CSMD1: variants seen among roughly 807,000 people sequenced by gnomAD.
CSMD1 encodes CUB and sushi domain-containing protein 1.
In CSMD1, 213 loss-of-function variants were observed where a neutral mutation model predicts 417.5. That is an observed-to-expected ratio of 0.51 (90% CI 0.46 to 0.57). The LOEUF is 0.57. CSMD1 is among the 20% of genes least tolerant of loss of function. The probability of loss-of-function intolerance (pLI) is 0.00; values close to 1 mark genes in which losing one functional copy is unlikely to be tolerated. For synonymous variants in CSMD1, 2,862 were observed against 1,736.8 expected (o/e 1.65, Z -16.11); for missense variants, 6,923 against 4,529.7 (o/e 1.53, Z -15.17).
rs1453052425 is a variant in CSMD1, at chr8:2,936,966, GA to G, written c.*1618del. On this transcript the variant is annotated 3_prime_UTR_variant, in exon 70 of 70. Coordinates refer to ENST00000635120, the MANE Select transcript of CSMD1 (RefSeq NM_033225.6). ...ACGCCAATCTAAAATGTGAAACAGA[GA>G]AAATCTGCCACAATTGAATAGGAAC... The G allele has an allele frequency of 6.6e-6, 1 of 152,168 alleles. No homozygotes were observed. Among genetic ancestry groups the G allele is most frequent in the Non-Finnish European group, 1.5e-5 (1 of 68,026 alleles). The allele number at this position is 152,168 out of a possible 1,614,324, so 9.4% of individuals were successfully genotyped here.
intron 1 of CSMD1, among the ~76,000 whole-genome samples, chr8:4,877,472 G>C (rs781607292): frequency 6.6e-6 from 1 of 151,988 alleles, no homozygotes. Flanking sequence ...AGTCATATTT[G>C]CTATTTCAAA....
At chr8:3,567,801 C>G (rs1799777824) in intron 10 of CSMD1, among the ~76,000 whole-genome samples, 1 of 152,166 alleles carries the variant, frequency 6.6e-6, no homozygotes, top group Admixed American at 6.5e-5. Context: ...CTTTCTTGAA[C>G]ATCCTCTGCA....
At chr8:4,239,621 A>G (rs139677680) in intron 3 of CSMD1, among the ~76,000 whole-genome samples, 13 of 152,242 alleles carry the variant, frequency 8.5e-5, no homozygotes, top group African/African-American at 2.9e-4. Context: ...ATTTCCACCT[A>G]GAGAACCCAA....
chr8:4,587,495 A>G (rs1210241458), intron 2 of CSMD1, among the ~76,000 whole-genome samples: 1 of 151,876 alleles, frequency 6.6e-6, no homozygotes, highest in African/African-American at 2.4e-5. Context: ...ACATATATGT[A>G]TATATATATG....
At chr8:3,315,450 G>C (rs1022179251) in intron 23 of CSMD1, among the ~76,000 whole-genome samples, 2 of 127,792 alleles carry the variant, frequency 1.6e-5, no homozygotes, top group African/African-American at 5.1e-5. Context: ...GTGTGTGTGT[G>C]TGTGTGTGTG....
At chr8:4,127,701 A>C (rs538520222) in intron 3 of CSMD1, among the ~76,000 whole-genome samples, 1 of 152,322 alleles carries the variant, frequency 6.6e-6, no homozygotes, top group South Asian at 2.1e-4. Context: ...GGCAGTCATG[A>C]TGAATAAATT....
chr8:3,459,554 G>C (rs1214154536), intron 12 of CSMD1, among the ~76,000 whole-genome samples: 2 of 152,140 alleles, frequency 1.3e-5, no homozygotes, highest in Non-Finnish European at 2.9e-5. Context: ...GTACATGGGA[G>C]ATCTGTGCAG....
chr8:4,421,003 G>A (rs1445710762), intron 2 of CSMD1, among the ~76,000 whole-genome samples: 1 of 152,108 alleles, frequency 6.6e-6, no homozygotes, highest in Non-Finnish European at 1.5e-5. Flanking sequence ...GTAAACTGCA[G>A]TATCTGCTGT....
At position 4,223,800 on chromosome 8, in the gene CSMD1, C is replaced by A. The variant is rs530790899; in HGVS notation, c.416-191701G>T. ...TGATGCAAATTAAAAAGCCCCTTGGCCAATAACAACCAGTGAAACTGTTTT... is the reference window on the plus strand; with the variant it reads ...TGATGCAAATTAAAAAGCCCCTTGGACAATAACAACCAGTGAAACTGTTTT... On this transcript the variant is annotated intron_variant, in intron 3 of 69. Coordinates refer to ENST00000635120, the MANE Select transcript of CSMD1 (RefSeq NM_033225.6). Among the ~76,000 whole-genome samples the A allele has an allele frequency of 1.8e-4, 28 of 152,266 alleles. No individual in the cohort carries two copies. The East Asian group carries it at 2.9e-3, about 16-fold the overall frequency.
chr8:4,460,632 A>T (rs1295648582), intron 2 of CSMD1, among the ~76,000 whole-genome samples: 1 of 152,184 alleles, frequency 6.6e-6, no homozygotes, highest in Admixed American at 6.5e-5. Context: ...AGAGAATATT[A>T]CTATGGACCT....
intron 3 of CSMD1, among the ~76,000 whole-genome samples, chr8:4,344,101 C>T (rs137858284): frequency 4.0e-4 from 61 of 152,170 alleles, no homozygotes; most frequent in Middle Eastern, 6.8e-3. Context: ...ACCAGCACCT[C>T]GAGTAAAAGG....
At chr8:4,084,906 A>G (rs1033984708) in intron 3 of CSMD1, among the ~76,000 whole-genome samples, 2 of 151,976 alleles carry the variant, frequency 1.3e-5, no homozygotes, top group African/African-American at 4.9e-5. Context: ...AAGAAAAAAC[A>G]AAAACAAAAA....
chr8:3,721,237 C>T (rs1802152521), intron 6 of CSMD1, among the ~76,000 whole-genome samples: 1 of 152,068 alleles, frequency 6.6e-6, no homozygotes, highest in Non-Finnish European at 1.5e-5. Flanking sequence ...ACTCCTAAAT[C>T]CAATCATTTT....
chr8:3,431,491 T>C (rs1192275056), intron 12 of CSMD1, among the ~76,000 whole-genome samples: 1 of 152,140 alleles, frequency 6.6e-6, no homozygotes, highest in Non-Finnish European at 1.5e-5. Flanking sequence ...TCTTGCCGCC[T>C]CCCTGACCCA....
chr8:4,017,571 G>A (rs939253811), intron 4 of CSMD1, among the ~76,000 whole-genome samples: 17 of 152,108 alleles, frequency 1.1e-4, no homozygotes, highest in African/African-American at 3.9e-4. Flanking sequence ...CTCCCAAAGT[G>A]CTGGAATTAC....
chr8:4,954,076 T>C (rs1397158021), intron 1 of CSMD1, among the ~76,000 whole-genome samples: 2 of 152,194 alleles, frequency 1.3e-5, no homozygotes, highest in African/African-American at 4.8e-5. Flanking sequence ...CATAAACATT[T>C]CTTCCATGTA....
chr8:3,678,047 G>T (rs909818166), intron 7 of CSMD1, among the ~76,000 whole-genome samples: 1 of 152,110 alleles, frequency 6.6e-6, no homozygotes, highest in Non-Finnish European at 1.5e-5. Flanking sequence ...AAAGACAGTG[G>T]GAGGGTGGTT....
intron 3 of CSMD1, among the ~76,000 whole-genome samples, chr8:4,218,806 C>A (rs1481962587): frequency 6.6e-6 from 1 of 152,150 alleles, no homozygotes; most frequent in East Asian, 1.9e-4. Flanking sequence ...CTTCTGTTTT[C>A]TCAGTGTCAA....
chr8:3,997,220 A>T (rs1341093803), intron 5 of CSMD1, among the ~76,000 whole-genome samples: 1 of 152,242 alleles, frequency 6.6e-6, no homozygotes, highest in Admixed American at 6.5e-5. Flanking sequence ...CATCTATGCT[A>T]TGTTTTTAAG....
Sources: gnomAD v4.1 joint callset for allele counts (sites outside exome capture counted in the v4.1 genomes callset) on GRCh38, gnomAD v4.1.1 for gene constraint, MANE v1.5 for transcripts, NCBI Gene and HGNC (gene_info 2026-07-23, HGNC 2026-07-21) for gene names.